Variants in AAK1 observed in about 807,000 individuals in gnomAD.
AAK1 encodes AP2-associated protein kinase 1.
In AAK1, 37 loss-of-function variants were observed where a neutral mutation model predicts 116.0. That is an observed-to-expected ratio of 0.32 (90% CI 0.25 to 0.42). AAK1 has a LOEUF of 0.42. Among genes scored for constraint, AAK1 ranks in the 10% least tolerant of loss-of-function variants. The probability of loss-of-function intolerance (pLI) is 1.00; values close to 1 mark genes in which losing one functional copy is unlikely to be tolerated. For missense variants in AAK1, 919 were observed against 1,170.6 expected (o/e 0.79, Z 3.14); for synonymous variants, 458 against 439.9 (o/e 1.04, Z -0.51).
In AAK1 at chr2:69,611,762, T is replaced by C. The variant is rs146693001; in HGVS notation, c.163+31116A>G. The stretch of plus-strand genomic sequence containing the variant: ...AGCAATCCAGCCATCCATCAACAGA[T>C]GAATGGATAAGGAAACTGTGGTATA... On this transcript the variant is annotated intron_variant, in intron 2 of 21. Coordinates refer to ENST00000409085, the MANE Select transcript of AAK1 (RefSeq NM_014911.5). Among the ~76,000 whole-genome samples the C allele has an allele frequency of 4.5e-3, 692 of 152,274 alleles. 28 individuals carry two copies. Among genetic ancestry groups the C allele is most frequent in the Admixed American group, 0.043 (662 of 15,294 alleles).
intron 2 of AAK1, among the ~76,000 whole-genome samples, chr2:69,601,020 G>C (rs1413411368): frequency 6.6e-6 from 1 of 152,074 alleles, no homozygotes; most frequent in South Asian, 2.1e-4. Flanking sequence ...TTTAAATTCA[G>C]GTATGTACAT....
chr2:69,582,575 G>A (rs192534689), intron 2 of AAK1, among the ~76,000 whole-genome samples: 1 of 152,176 alleles, frequency 6.6e-6, no homozygotes, highest in African/African-American at 2.4e-5. Flanking sequence ...CCTGCTACTG[G>A]GGGGTGAGGG....
intron 2 of AAK1, among the ~76,000 whole-genome samples, chr2:69,625,792 C>T (rs1674870080): frequency 6.6e-6 from 1 of 152,162 alleles, no homozygotes; most frequent in South Asian, 2.1e-4. Flanking sequence ...AGGAACATCT[C>T]TTTTCCAACA....
chr2:69,499,825 A>G (rs1675903009), intron 16 of AAK1: 1 of 152,282 alleles, frequency 6.6e-6, no homozygotes, highest in African/African-American at 2.4e-5. Context: ...AAAATTCTAG[A>G]TACAAATACT....
chr2:69,556,879 T>G lies in AAK1; in HGVS notation c.263A>C (p.Lys88Thr), dbSNP rs754326998. 6.2e-7 allele frequency: 1 copy of G among 1,613,748 alleles called. No homozygotes were observed. Among genetic ancestry groups the G allele is most frequent in the Admixed American group, 1.7e-5 (1 of 60,016 alleles). The change falls in exon 3 of 22, where the codon AAG becomes ACG. Residue 88 changes from lysine to threonine, a missense_variant. Lys to Thr is a moderately conservative substitution (Grantham distance 78). This residue lies in a region of AAK1 where 317 missense variants were observed against 490.4 expected (regional missense o/e 0.65). Coordinates refer to ENST00000409085, the MANE Select transcript of AAK1 (RefSeq NM_014911.5). ...CCTTACCATTATCTGGATTTCTCTC[T>G]TGCACACCTGGAGATCATGCTCATT... Reference protein sequence around the residue: ...VNNEHDLQVCKREIQIMRDLS... With the variant: ...VNNEHDLQVCTREIQIMRDLS...
chr2:69,507,511 C>T lies in AAK1; in HGVS notation c.2074G>A (p.Gly692Arg). The T allele has an allele frequency of 6.2e-7, 1 of 1,612,570 alleles. No homozygotes were observed. Among genetic ancestry groups the T allele is most frequent in the Non-Finnish European group, 8.5e-7 (1 of 1,179,354 alleles). The change falls in exon 15 of 22, where the codon GGG becomes AGG. Residue 692 changes from glycine to arginine, a missense_variant. Coordinates refer to ENST00000409085, the MANE Select transcript of AAK1 (RefSeq NM_014911.5). Reference protein sequence around the residue: ...SQQNVYNPSEGSTWNPFDDDN... With the variant: ...SQQNVYNPSERSTWNPFDDDN... ...TCATCAAAGGGATTCCACGTAGACCCTTCTGAAGGATTATAAACGTTTTGT... is the reference window on the plus strand; with the variant it reads ...TCATCAAAGGGATTCCACGTAGACCTTTCTGAAGGATTATAAACGTTTTGT...
At chr2:69,591,511 TTTTTTC>T (rs2105171332) in intron 2 of AAK1, among the ~76,000 whole-genome samples, 1 of 145,710 alleles carries the variant, frequency 6.9e-6, no homozygotes, top group African/African-American at 2.6e-5. Flanking sequence ...TTTTTTTTCT[TTTTTTC>T]TTTTTCTTTT....
chr2:69,465,804 T>A lies in AAK1; in HGVS notation c.*10065A>T. 7.7e-7 allele frequency: 1 copy of A among 1,290,666 alleles called. No homozygotes were observed. The highest frequency in any genetic ancestry group is 1.0e-6 in the Non-Finnish European group (1 of 988,862). 80.0% of individuals were successfully genotyped at this position (1,290,666 alleles called of 1,614,324 possible). ...TGCTTGTACAGAATGGGACAGGAGG[T>A]TAGACTGTTGCACAAAACCAGCTGT... On this transcript the variant is annotated 3_prime_UTR_variant, in exon 22 of 22. Coordinates refer to ENST00000409085, the MANE Select transcript of AAK1 (RefSeq NM_014911.5).
chr2:69,544,597 G>A (rs1006241316), intron 3 of AAK1, 53 bp from the exon 4 acceptor site: 3 of 1,287,712 alleles, frequency 2.3e-6, no homozygotes, highest in Admixed American at 1.7e-5. Flanking sequence ...CAATAGGACA[G>A]AATTAGCCAG....
In AAK1 at chr2:69,465,800, G is replaced by A. The variant is rs1360039342; in HGVS notation, c.*10069C>T. 9 of 1,290,830 alleles carry A rather than the reference G, an allele frequency of 7.0e-6. No individual in the cohort carries two copies. Among genetic ancestry groups the A allele is most frequent in the Non-Finnish European group, 9.1e-6 (9 of 988,870 alleles). 80.0% of individuals were successfully genotyped at this position (1,290,830 alleles called of 1,614,324 possible). On this transcript the variant is annotated 3_prime_UTR_variant, in exon 22 of 22. Coordinates refer to ENST00000409085, the MANE Select transcript of AAK1 (RefSeq NM_014911.5). ...CTGCTGCTTGTACAGAATGGGACAG[G>A]AGGTTAGACTGTTGCACAAAACCAG...
intron 2 of AAK1, among the ~76,000 whole-genome samples, chr2:69,606,923 G>A (rs558331667): frequency 6.6e-5 from 10 of 151,944 alleles, no homozygotes; most frequent in Admixed American, 2.6e-4. Flanking sequence ...GAAATTAGCC[G>A]GGCGTGGTGG....
In AAK1 at chr2:69,471,158, C is replaced by T; in HGVS notation, c.*4711G>A. On this transcript the variant is annotated 3_prime_UTR_variant, in exon 22 of 22. Coordinates refer to ENST00000409085, the MANE Select transcript of AAK1 (RefSeq NM_014911.5). ...GCAATAGGGCAGAGTAGAATACTCA[C>T]AGGAAAAGAGTAAATTCAGGTCACT... 1 of 985,540 alleles carries T rather than the reference C, an allele frequency of 1.0e-6. No homozygotes were observed. Among genetic ancestry groups the T allele is most frequent in the Non-Finnish European group, 1.2e-6 (1 of 829,914 alleles). 61.0% of individuals were successfully genotyped at this position (985,540 alleles called of 1,614,324 possible).
chr2:69,626,671 T>C (rs1207093211), intron 2 of AAK1, among the ~76,000 whole-genome samples: 1 of 149,788 alleles, frequency 6.7e-6, no homozygotes, highest in African/African-American at 2.5e-5. Flanking sequence ...GGCTTTTTTT[T>C]TTTTTTTTTG....
chr2:69,601,301 C>T (rs776765506), intron 2 of AAK1, among the ~76,000 whole-genome samples: 3 of 152,212 alleles, frequency 2.0e-5, no homozygotes, highest in Admixed American at 6.5e-5. Context: ...ACAACTGCAG[C>T]CTTAGCATAG....
In AAK1 at chr2:69,460,453, G is replaced by A. The variant is rs1674311901; in HGVS notation, c.*15416C>T. ...TCTGCTACTTTGATTATGCATCAGT[G>A]AAATGTCCACCAAGCAGTTGAAAAC... is the stretch of plus-strand genomic sequence containing the variant. On this transcript the variant is annotated 3_prime_UTR_variant, in exon 22 of 22. Coordinates refer to ENST00000409085, the MANE Select transcript of AAK1 (RefSeq NM_014911.5). 6.6e-6 allele frequency: 1 copy of A among 152,576 alleles called. No homozygotes were observed. The highest frequency in any genetic ancestry group is 2.4e-5 in the African/African-American group (1 of 41,434). The allele number at this position is 152,576 out of a possible 1,614,324, so 9.5% of individuals were successfully genotyped here. A position where few individuals can be genotyped will look rare whatever the true frequency, so the allele number is the denominator to read the frequency against.
Position 69,482,639 on chromosome 2 carries a change from C to T in AAK1, c.2467+72G>A, listed in dbSNP as rs1427861641. The T allele has an allele frequency of 3.2e-6, 4 of 1,268,276 alleles. No homozygotes were observed. The Admixed American group carries it at 5.6e-5, about 18-fold the overall frequency. 78.6% of individuals were successfully genotyped at this position (1,268,276 alleles called of 1,614,324 possible). Reference sequence around the variant, plus strand: ...GGGCTATTCCCCAGGGATTGGTTAACTAGGTACTTGTCATTCTTGAAACAG... The same window carrying T: ...GGGCTATTCCCCAGGGATTGGTTAATTAGGTACTTGTCATTCTTGAAACAG... On this transcript the variant is annotated intron_variant, in intron 18 of 21. Transcript: ENST00000409085.
intron 5 of AAK1, among the ~76,000 whole-genome samples, chr2:69,537,338 G>C (rs1670517241): frequency 6.6e-6 from 1 of 152,236 alleles, no homozygotes; most frequent in Non-Finnish European, 1.5e-5. Context: ...TAAGGACAGG[G>C]ACCACTTTCA....
rs1040122747 is a variant in AAK1, at chr2:69,462,269, A to G, written c.*13600T>C. ...GCATTAGGAGATATACCTAATGCTA[A>G]ATGACGAGTTAGTGGGTGCAGCACA... On this transcript the variant is annotated 3_prime_UTR_variant, in exon 22 of 22. Transcript: ENST00000409085. 1 of 150,856 alleles carries G rather than the reference A, an allele frequency of 6.6e-6. No individual in the cohort carries two copies. 9.3% of individuals were successfully genotyped at this position (150,856 alleles called of 1,614,324 possible). A position where few individuals can be genotyped will look rare whatever the true frequency, so the allele number is the denominator to read the frequency against.
chr2:69,490,538 C>T (rs1051891062), intron 17 of AAK1, among the ~76,000 whole-genome samples: 23 of 151,978 alleles, frequency 1.5e-4, no homozygotes. Context: ...GGATATGATA[C>T]TAAATGAAAT....
Sources: allele counts gnomAD v4.1 joint callset (sites outside exome capture counted in the v4.1 genomes callset), GRCh38; gene constraint gnomAD v4.1.1; regional missense constraint gnomAD v4.1.1; transcripts MANE v1.5; gene names NCBI Gene and HGNC (gene_info 2026-07-23, HGNC 2026-07-21).